RFTN1: variants seen among roughly 807,000 people sequenced by gnomAD.
RFTN1 encodes the protein raftlin, lipid raft linker 1.
In RFTN1, 26 loss-of-function variants were observed where a neutral mutation model predicts 46.5. The observed-to-expected ratio is 0.56, with a 90% CI of 0.41 to 0.78. RFTN1 has a LOEUF of 0.78. Among genes scored for constraint, RFTN1 ranks in the 30% least tolerant of loss-of-function variants. RFTN1 has a pLI of 0.00. For missense variants in RFTN1, 693 were observed against 718.7 expected (o/e 0.96, Z 0.41); for synonymous variants, 261 against 284.2 (o/e 0.92, Z 0.82).
Position 16,351,297 on chromosome 3 carries a change from G to A in RFTN1, c.1146+6635C>T, listed in dbSNP as rs926102409. Among the ~76,000 whole-genome samples the A allele has an allele frequency of 2.6e-5, 4 of 152,158 alleles. No homozygotes were observed. Among genetic ancestry groups the A allele is most frequent in the African/African-American group, 9.7e-5 (4 of 41,420 alleles). The stretch of plus-strand genomic sequence containing the variant: ...TCCAGTCTGTTTGCCATTGAGACCA[G>A]TCAGGAGCCTCCATACATATGAAGC... On this transcript the variant is annotated intron_variant, in intron 7 of 9. Transcript: ENST00000334133. This position sits in a 1 kb window ranked among gnomAD's most constrained non-coding sequence, Gnocchi z 5.4.
At chr3:16,323,969 G>A (rs1176464328) in intron 8 of RFTN1, among the ~76,000 whole-genome samples, 2 of 152,194 alleles carry the variant, frequency 1.3e-5, no homozygotes, top group Non-Finnish European at 2.9e-5. Flanking sequence ...GCAAGGCAGT[G>A]CCTGTTAACC....
At chr3:16,431,115 G>A (rs958309880) in intron 3 of RFTN1, among the ~76,000 whole-genome samples, 8 of 152,180 alleles carry the variant, frequency 5.3e-5, no homozygotes, top group African/African-American at 9.7e-5. Context: ...TACGGAGGCC[G>A]AGAAAGATCC....
Position 16,509,772 on chromosome 3 carries a change from C to T in RFTN1, c.-9+3670G>A, listed in dbSNP as rs531890587. The stretch of plus-strand genomic sequence containing the variant: ...GAGGCGATCACCCAGATGGGTATCA[C>T]GAGTCACGAAATCACTCAGCCAATG... On this transcript the variant is annotated intron_variant, in intron 1 of 9. Transcript: ENST00000334133. This position sits in a 1 kb window ranked among gnomAD's most constrained non-coding sequence, Gnocchi z 4.9. Among the ~76,000 whole-genome samples the T allele has an allele frequency of 6.6e-5, 10 of 152,252 alleles. No individual in the cohort carries two copies. Among genetic ancestry groups the T allele is most frequent in the East Asian group, 3.9e-4 (2 of 5,188 alleles).
intron 2 of RFTN1, among the ~76,000 whole-genome samples, chr3:16,469,571 A>G (rs909016543): frequency 6.6e-6 from 1 of 152,158 alleles, no homozygotes; most frequent in Non-Finnish European, 1.5e-5. Context: ...TGGAGACGCA[A>G]AGTGGGACTC....
intron 3 of RFTN1, among the ~76,000 whole-genome samples, chr3:16,420,169 G>T (rs756374558): frequency 6.6e-6 from 1 of 152,154 alleles, no homozygotes; most frequent in Admixed American, 6.5e-5. Context: ...TTGCCTCGGT[G>T]CTCCCTGTCT....
Position 16,402,041 on chromosome 3 carries a change from T to C in RFTN1, c.441+7334A>G, listed in dbSNP as rs1449032140. Among the ~76,000 whole-genome samples, 2 of 152,190 alleles carry C rather than the reference T, an allele frequency of 1.3e-5. No individual in the cohort carries two copies. The highest frequency in any genetic ancestry group is 2.9e-5 in the Non-Finnish European group (2 of 68,026). ...CAGCCCAACAACCACAGCTGCCTTC[T>C]GGAATGTTCCCTGAGTGTCCCCCTG... is the stretch of plus-strand genomic sequence containing the variant. On this transcript the variant is annotated intron_variant, in intron 4 of 9. Coordinates refer to ENST00000334133, the MANE Select transcript of RFTN1 (RefSeq NM_015150.2). This position sits in a 1 kb window ranked among gnomAD's most constrained non-coding sequence, Gnocchi z 4.5.
chr3:16,369,245 C>G (rs1351473217), intron 6 of RFTN1, among the ~76,000 whole-genome samples: 1 of 152,250 alleles, frequency 6.6e-6, no homozygotes, highest in African/African-American at 2.4e-5. Flanking sequence ...TCTGTTAATT[C>G]TTGAGAGAAA....
chr3:16,403,241 T>C (rs2074649779), intron 4 of RFTN1, among the ~76,000 whole-genome samples: 2 of 151,906 alleles, frequency 1.3e-5, no homozygotes, highest in African/African-American at 4.8e-5. Context: ...ACAGGAGAGG[T>C]AGCATGGCCA....
chr3:16,464,903 G>A (rs2124935160), intron 2 of RFTN1, among the ~76,000 whole-genome samples: 1 of 152,300 alleles, frequency 6.6e-6, no homozygotes, highest in East Asian at 1.9e-4. Context: ...CACATTCAGT[G>A]ACTCGCAAGT....
Position 16,415,409 on chromosome 3 carries a change from G to GTATATATATATATATATATA in RFTN1, c.333-5946_333-5927dup, listed in dbSNP as rs367960866. Reference sequence around the variant, plus strand: ...GTTGAGATGTCTGGTAGACAGTTGAGTATATATATATATATATATATACAC... The same window carrying GTATATATATATATATATATA: ...GTTGAGATGTCTGGTAGACAGTTGAGTATATATATATATATATATATATATATATATATATATATATACAC... On this transcript the variant is annotated intron_variant, in intron 3 of 9. Coordinates refer to ENST00000334133, the MANE Select transcript of RFTN1 (RefSeq NM_015150.2). Among the ~76,000 whole-genome samples the GTATATATATATATATATATA allele has an allele frequency of 1.2e-3, 130 of 104,220 alleles. 2 individuals carry two copies. Among genetic ancestry groups the GTATATATATATATATATATA allele is most frequent in the Admixed American group, 2.3e-3 (21 of 9,150 alleles). 68.4% of individuals were successfully genotyped at this position (104,220 alleles called of 152,430 possible). A position where few individuals can be genotyped will look rare whatever the true frequency, so the allele number is the denominator to read the frequency against.
In RFTN1 at chr3:16,443,210, A is replaced by T. The variant is rs1208238467; in HGVS notation, c.146-9173T>A. Among the ~76,000 whole-genome samples, 2 of 152,202 alleles carry T rather than the reference A, an allele frequency of 1.3e-5. No individual in the cohort carries two copies. The highest frequency in any genetic ancestry group is 6.5e-5 in the Admixed American group (1 of 15,284). On this transcript the variant is annotated intron_variant, in intron 2 of 9. Coordinates refer to ENST00000334133, the MANE Select transcript of RFTN1 (RefSeq NM_015150.2). The surrounding 1 kb of genome is among the most constrained non-coding windows in gnomAD (Gnocchi z 5.5). ...ACCAACGGGGTGCAAGGGTTCTCTT[A>T]TACTTCACATCCTCACCAACACTTC... is the stretch of plus-strand genomic sequence containing the variant.
Position 16,345,761 on chromosome 3 carries a change from CAT to C in RFTN1, c.1146+12169_1146+12170del, listed in dbSNP as rs1320693223. Among the ~76,000 whole-genome samples the C allele has an allele frequency of 6.7e-6, 1 of 150,102 alleles. No homozygotes were observed. The highest frequency in any genetic ancestry group is 2.5e-5 in the African/African-American group (1 of 40,724). On this transcript the variant is annotated intron_variant, in intron 7 of 9. Transcript: ENST00000334133. This position sits in a 1 kb window ranked among gnomAD's most constrained non-coding sequence, Gnocchi z 5.2. ...TGGGACTCCTCAGCCTCCATAATCA[CAT>C]GAGCCAAAACCTTATAATAAATCTC... is the stretch of plus-strand genomic sequence containing the variant.
At chr3:16,486,352 C>T (rs569583512) in intron 2 of RFTN1, among the ~76,000 whole-genome samples, 1 of 152,068 alleles carries the variant, frequency 6.6e-6, no homozygotes, top group Non-Finnish European at 1.5e-5. Context: ...ATCTTAAAAA[C>T]CTTCAGTGCT....
rs1284961231 is a variant in RFTN1 at position 16,425,812 on chromosome 3, A to G, written c.332+8039T>C. Among the ~76,000 whole-genome samples the G allele has an allele frequency of 1.3e-5, 2 of 152,134 alleles. No individual in the cohort carries two copies. Among genetic ancestry groups the G allele is most frequent in the Non-Finnish European group, 1.5e-5 (1 of 68,018 alleles). On this transcript the variant is annotated intron_variant, in intron 3 of 9. Coordinates refer to ENST00000334133, the MANE Select transcript of RFTN1 (RefSeq NM_015150.2). The surrounding 1 kb of genome is among the most constrained non-coding windows in gnomAD (Gnocchi z 4.3). ...AGAGTGAGATGGGAAAATAAGAGGA[A>G]TAAATTAAGGTAGTCTTGGTGATGC...
intron 4 of RFTN1, among the ~76,000 whole-genome samples, chr3:16,403,726 AT>A (rs1185211321): frequency 5.7e-5 from 1 of 17,656 alleles, no homozygotes; most frequent in African/African-American, 2.8e-4. Flanking sequence ...TAATATATAT[AT>A]TATATATATT....
At position 16,421,445 on chromosome 3, in the gene RFTN1, G is replaced by T. The variant is rs1216689089; in HGVS notation, c.333-11962C>A. On this transcript the variant is annotated intron_variant, in intron 3 of 9. Coordinates refer to ENST00000334133, the MANE Select transcript of RFTN1 (RefSeq NM_015150.2). This position sits in a 1 kb window ranked among gnomAD's most constrained non-coding sequence, Gnocchi z 4.6. ...CAGCTCACTGCAATCTCCACCTCCC[G>T]GGTTCAAGTGATTCTCCTGCCTCAG... is the stretch of plus-strand genomic sequence containing the variant. 6.6e-6 allele frequency among the ~76,000 whole-genome samples: 1 copy of T among 151,730 alleles called. No individual in the cohort carries two copies. Among genetic ancestry groups the T allele is most frequent in the African/African-American group, 2.4e-5 (1 of 41,296 alleles).
At chr3:16,482,281 C>T (rs2076378795) in intron 2 of RFTN1, among the ~76,000 whole-genome samples, 1 of 152,200 alleles carries the variant, frequency 6.6e-6, no homozygotes, top group East Asian at 1.9e-4. Context: ...CATCTCTAGA[C>T]TTGTAAGGAT....
At chr3:16,326,102 C>T (rs903151182) in intron 8 of RFTN1, among the ~76,000 whole-genome samples, 1 of 152,214 alleles carries the variant, frequency 6.6e-6, no homozygotes. Flanking sequence ...TGCTTACAAC[C>T]CCACAGGGCA....
At chr3:16,330,675 C>G (rs555227950) in intron 7 of RFTN1, among the ~76,000 whole-genome samples, 1 of 152,322 alleles carries the variant, frequency 6.6e-6, no homozygotes, top group African/African-American at 2.4e-5. Context: ...GGTTTTTCAA[C>G]TCGTATAAAA....
Sources: allele counts gnomAD v4.1 joint callset (sites outside exome capture counted in the v4.1 genomes callset), GRCh38; gene constraint gnomAD v4.1.1; non-coding constraint Gnocchi (gnomAD v3.1); transcripts MANE v1.5; gene names NCBI Gene and HGNC (gene_info 2026-07-23, HGNC 2026-07-21).